The following IGSF21 variants were observed in gnomAD, a reference collection of about 807,000 sequenced individuals.
IGSF21 encodes the protein immunoglobin superfamily member 21, also known as immunoglobulin superfamily member 21.
IGSF21 carries 28 observed loss-of-function variants against 46.8 expected under a neutral mutation model. The ratio of observed to expected loss-of-function variants is 0.60; its 90% CI spans 0.44 to 0.82. The LOEUF is 0.82. IGSF21 is among the 40% of genes least tolerant of loss of function. The probability of loss-of-function intolerance (pLI) is 0.00; values close to 1 mark genes in which losing one functional copy is unlikely to be tolerated. For missense variants in IGSF21, 624 were observed against 665.5 expected, an observed-to-expected ratio of 0.94 and a Z score of 0.69; for synonymous variants, 284 against 273.6, an observed-to-expected ratio of 1.04 and a Z score of -0.38.
chr1:18,319,152 T>C (rs1359541387), intron 3 of IGSF21, among the ~76,000 whole-genome samples: 1 of 152,264 alleles, frequency 6.6e-6, no homozygotes, highest in Non-Finnish European at 1.5e-5. Flanking sequence ...TGTCAGGGAC[T>C]CAAGCTCCTT....
chr1:18,272,764 CTGGACAAAAGAGGCAT>C (rs1382724533), intron 2 of IGSF21, among the ~76,000 whole-genome samples: 1 of 152,242 alleles, frequency 6.6e-6, no homozygotes, highest in African/African-American at 2.4e-5. Flanking sequence ...GTCTTGCCCA[CTGGACAAAAGAGGCAT>C]TTTAATTCAA....
intron 2 of IGSF21, among the ~76,000 whole-genome samples, chr1:18,247,979 CCCAGGCAAATAGAG>C (rs1280655402): frequency 2.0e-5 from 3 of 152,172 alleles, no homozygotes; most frequent in African/African-American, 7.2e-5. Flanking sequence ...ACGCAGTCTG[CCCAGGCAAATAGAG>C]CCATTAGCTA....
rs184315382 is a variant in IGSF21 at position 18,111,743 on chromosome 1, A to G, written c.70+3545A>G. ...AAGATAGATTTAAGACCTTCTTTTC[A>G]CAGATTAGGAAACTGAGGTTCTGAG... is the stretch of plus-strand genomic sequence containing the variant. On this transcript the variant is annotated intron_variant, in intron 1 of 9. Coordinates refer to ENST00000251296, the MANE Select transcript of IGSF21 (RefSeq NM_032880.5). 130 of 152,342 alleles carry G rather than the reference A, an allele frequency of 8.5e-4. 1 individual carries two copies. Among genetic ancestry groups the G allele is most frequent in the Admixed American group, 8.4e-3 (129 of 15,304 alleles). 9.4% of individuals were successfully genotyped at this position (152,342 alleles called of 1,614,324 possible). A position where few individuals can be genotyped will look rare whatever the true frequency, so the allele number is the denominator to read the frequency against.
At chr1:18,256,542 C>G (rs2084894241) in intron 2 of IGSF21, among the ~76,000 whole-genome samples, 1 of 152,086 alleles carries the variant, frequency 6.6e-6, no homozygotes, top group Admixed American at 6.5e-5. Flanking sequence ...AAGGGGCAGC[C>G]TCACTCAGAA....
chr1:18,229,654 C>T (rs2084604304), intron 2 of IGSF21, among the ~76,000 whole-genome samples: 1 of 152,186 alleles, frequency 6.6e-6, no homozygotes, highest in South Asian at 2.1e-4. Context: ...CATCCAGCAC[C>T]CTAGAGGGTC....
At chr1:18,268,006 C>A (rs1328316713) in intron 2 of IGSF21, among the ~76,000 whole-genome samples, 1 of 152,224 alleles carries the variant, frequency 6.6e-6, no homozygotes, top group Non-Finnish European at 1.5e-5. Flanking sequence ...AACGAGAACA[C>A]CACTAGGACA....
chr1:18,225,083 T>TCA (rs1309548249), intron 1 of IGSF21, among the ~76,000 whole-genome samples: 5 of 54,906 alleles, frequency 9.1e-5, no homozygotes, highest in Middle Eastern at 0.013. Context: ...TCTCTCTCTC[T>TCA]CTCACACACA....
chr1:18,208,635 T>C (rs1243660814), intron 1 of IGSF21, among the ~76,000 whole-genome samples: 1 of 148,778 alleles, frequency 6.7e-6, no homozygotes, highest in Non-Finnish European at 1.5e-5. Flanking sequence ...CTGACCTCGT[T>C]ATCCGCCCGC....
intron 1 of IGSF21, among the ~76,000 whole-genome samples, chr1:18,151,309 T>C (rs938880113): frequency 1.3e-5 from 2 of 152,220 alleles, no homozygotes; most frequent in African/African-American, 4.8e-5. Flanking sequence ...AATGCATTTA[T>C]TCCTGGTCAG....
chr1:18,146,852 GA>G (rs2086471329), intron 1 of IGSF21, among the ~76,000 whole-genome samples: 2 of 152,186 alleles, frequency 1.3e-5, no homozygotes, highest in Non-Finnish European at 2.9e-5. Flanking sequence ...AGGAAAGTAA[GA>G]CTCAGAGGGG....
chr1:18,178,934 C>A (rs2086830696), intron 1 of IGSF21: 1 of 152,196 alleles, frequency 6.6e-6, no homozygotes, highest in Non-Finnish European at 1.5e-5. Flanking sequence ...TTAAATTAGC[C>A]TTCAGAAGCC....
chr1:18,134,220 C>T (rs926173188), intron 1 of IGSF21, among the ~76,000 whole-genome samples: 2 of 152,146 alleles, frequency 1.3e-5, no homozygotes, highest in African/African-American at 4.8e-5. Flanking sequence ...TCCTCTGTGG[C>T]CTTCCCATTA....
chr1:18,185,537 T>G (rs1307771472), intron 1 of IGSF21, among the ~76,000 whole-genome samples: 2 of 152,218 alleles, frequency 1.3e-5, no homozygotes, highest in Non-Finnish European at 2.9e-5. Context: ...GTGCAGCCTA[T>G]AGACAGCTGG....
intron 1 of IGSF21, among the ~76,000 whole-genome samples, chr1:18,214,062 A>T (rs2084418844): frequency 6.6e-6 from 1 of 152,236 alleles, no homozygotes; most frequent in South Asian, 2.1e-4. Flanking sequence ...TCTTATTAAT[A>T]GTATAAGCAT....
chr1:18,113,416 C>T (rs1257136818), intron 1 of IGSF21: 1 of 152,136 alleles, frequency 6.6e-6, no homozygotes, highest in Admixed American at 6.5e-5. Flanking sequence ...TCAGTCACCT[C>T]TGCAGCCCAA....
chr1:18,277,736 T>A (rs1569704095), intron 2 of IGSF21, among the ~76,000 whole-genome samples: 1 of 152,166 alleles, frequency 6.6e-6, no homozygotes, highest in African/African-American at 2.4e-5. Context: ...CAGGGGTGGA[T>A]CTAAAAAATA....
intron 1 of IGSF21, among the ~76,000 whole-genome samples, chr1:18,173,317 A>T (rs2086759678): frequency 6.6e-6 from 1 of 152,198 alleles, no homozygotes; most frequent in Non-Finnish European, 1.5e-5. Context: ...ACAAAAAATC[A>T]GCTTTAATTG....
intron 2 of IGSF21, among the ~76,000 whole-genome samples, chr1:18,273,893 A>G (rs2085075621): frequency 6.6e-6 from 1 of 152,056 alleles, no homozygotes; most frequent in Admixed American, 6.5e-5. Flanking sequence ...CCAGTGCCTA[A>G]GTCTAACTCC....
At position 18,330,340 on chromosome 1, in the gene IGSF21, A is replaced by G. The variant is rs377094620; in HGVS notation, c.306-4552A>G. ...GGTTGGAAGTGGGGGGATCCTGGCC[A>G]TGTCAGATGGTAACAGGGGAAACCA... On this transcript the variant is annotated intron_variant, in intron 3 of 9. Transcript: ENST00000251296. 2.0e-5 allele frequency among the ~76,000 whole-genome samples: 3 copies of G among 152,244 alleles called. No homozygotes were observed. In the East Asian group the frequency reaches 5.8e-4, roughly 29 times the overall value.
Sources: allele counts gnomAD v4.1 joint callset (sites outside exome capture counted in the v4.1 genomes callset), GRCh38; gene constraint gnomAD v4.1.1; transcripts MANE v1.5; gene names NCBI Gene and HGNC (gene_info 2026-07-23, HGNC 2026-07-21).